Variants in SYTL3 observed in about 807,000 individuals in gnomAD.
SYTL3 encodes synaptotagmin like 3.
SYTL3 carries 88 observed loss-of-function variants against 82.1 expected under a neutral mutation model. That is an observed-to-expected ratio of 1.07 (90% CI 0.90 to 1.28). SYTL3 has a LOEUF of 1.28. Among genes scored for constraint, SYTL3 ranks in the 50% most tolerant of loss-of-function variants. The pLI is 0.00. For missense variants in SYTL3, 831 were observed against 757.6 expected (o/e 1.10, Z -1.14); for synonymous variants, 311 against 289.4 (o/e 1.07, Z -0.76).
chr6:158,745,786 T>G lies in SYTL3; in HGVS notation c.1034+128T>G. 2 of 776,096 alleles carry G rather than the reference T, an allele frequency of 2.6e-6. 1 individual carries two copies. Among genetic ancestry groups the G allele is most frequent in the South Asian group, 4.0e-5 (2 of 50,364 alleles). The allele number at this position is 776,096 out of a possible 1,614,324, so 48.1% of individuals were successfully genotyped here. On this transcript the variant is annotated intron_variant, in intron 12 of 17. Coordinates refer to ENST00000611299, the MANE Select transcript of SYTL3 (RefSeq NM_001242394.2). ...ACAAAATGAAAAGGCTTACTTCAAG[T>G]ATTATTATAAAGCTGTAGCAATGCA...
At chr6:158,665,797 T>C (rs931061479) in intron 5 of SYTL3, among the ~76,000 whole-genome samples, 184 bp downstream of exon 5, 1 of 152,192 alleles carries the variant, frequency 6.6e-6, no homozygotes, top group African/African-American at 2.4e-5. Flanking sequence ...AAATTTTATG[T>C]AGCAACATTT....
At chr6:158,732,665 A>G (rs1328802284) in intron 11 of SYTL3, among the ~76,000 whole-genome samples, 3 of 152,230 alleles carry the variant, frequency 2.0e-5, no homozygotes, top group African/African-American at 7.2e-5. Flanking sequence ...TCGTGTCTCC[A>G]ATGACGAAGG....
Position 158,713,700 on chromosome 6 carries a change from C to A in SYTL3, c.517-100C>A, listed in dbSNP as rs570545231. 1.2e-4 allele frequency: 101 copies of A among 836,460 alleles called. 1 individual carries two copies. The South Asian group carries it at 1.4e-3, about 11-fold the overall frequency. 51.8% of individuals were successfully genotyped at this position (836,460 alleles called of 1,614,324 possible). A position where few individuals can be genotyped will look rare whatever the true frequency, so the allele number is the denominator to read the frequency against. ...CCACGCCCACACTCACTCGCACACA[C>A]CCACATGCCAGTGTTTTGGGGTTGG... On this transcript the variant is annotated intron_variant, in intron 8 of 17. Transcript: ENST00000611299.
chr6:158,722,623 T>G (rs1450405719), intron 10 of SYTL3, among the ~76,000 whole-genome samples: 2 of 152,098 alleles, frequency 1.3e-5, no homozygotes, highest in Non-Finnish European at 2.9e-5. Context: ...ATGTTATGAA[T>G]GTACAGTATT....
At chr6:158,759,113 C>G (rs891767846) in intron 14 of SYTL3, among the ~76,000 whole-genome samples, 1 of 152,212 alleles carries the variant, frequency 6.6e-6, no homozygotes, top group African/African-American at 2.4e-5. Context: ...GAAGACAAGG[C>G]CTGGAACAAG....
intron 5 of SYTL3, among the ~76,000 whole-genome samples, chr6:158,679,137 A>T (rs145020945): frequency 1.2e-3 from 178 of 152,314 alleles, no homozygotes; most frequent in Admixed American, 2.3e-3. Flanking sequence ...TGGGAGGCCA[A>T]GGCAGGCAGA....
rs765386344 is a variant in SYTL3 at position 158,749,507 on chromosome 6, C to CTT, written c.1035-2397_1035-2396dup. Among the ~76,000 whole-genome samples, 144 of 66,040 alleles carry CTT rather than the reference C, an allele frequency of 2.2e-3. 4 individuals are homozygous for CTT. Among genetic ancestry groups the CTT allele is most frequent in the Middle Eastern group, 0.011 (1 of 90 alleles). 43.3% of individuals were successfully genotyped at this position (66,040 alleles called of 152,430 possible). A position where few individuals can be genotyped will look rare whatever the true frequency, so the allele number is the denominator to read the frequency against. On this transcript the variant is annotated intron_variant, in intron 12 of 17. Transcript: ENST00000611299. ...AATGAACACCTTCTTTTCTTTCTCT[C>CTT]TTTTTTTTTTTTTTTTTTTTTTTTT... is the stretch of plus-strand genomic sequence containing the variant.
chr6:158,706,248 G>T (rs1159298629), intron 6 of SYTL3, among the ~76,000 whole-genome samples: 1 of 152,076 alleles, frequency 6.6e-6, no homozygotes, highest in Admixed American at 6.5e-5. Flanking sequence ...TCCTGCACTC[G>T]CTATGGCCAG....
At chr6:158,761,476 GT>G (rs940039347) in intron 15 of SYTL3, among the ~76,000 whole-genome samples, 3 of 150,850 alleles carry the variant, frequency 2.0e-5, no homozygotes, top group Admixed American at 6.6e-5. Context: ...CTAATTTTTT[GT>G]TTTTTTTCTT....
intron 6 of SYTL3, among the ~76,000 whole-genome samples, chr6:158,699,312 A>G (rs1164940621): frequency 6.6e-6 from 1 of 152,202 alleles, no homozygotes. Flanking sequence ...TGCTGCAGGA[A>G]TTGCAGTCCA....
chr6:158,673,074 G>A (rs1777586125), intron 5 of SYTL3, among the ~76,000 whole-genome samples: 1 of 152,082 alleles, frequency 6.6e-6, no homozygotes, highest in Non-Finnish European at 1.5e-5. Flanking sequence ...GGGACTCCAA[G>A]TACGCACCAC....
rs140279225 is a variant in SYTL3, at chr6:158,764,550, G to A, written c.1779G>A (p.Gln593=). The change falls in exon 18 of 18, where the codon CAG becomes CAA. Residue 593 remains glutamine (Q), a synonymous_variant. Coordinates refer to ENST00000611299, the MANE Select transcript of SYTL3 (RefSeq NM_001242394.2). ...GCTCACTATCGAAGCTCCAGTGGCA[G>A]AAAGTCCTTTCCAGCCCCAATCTAT... ...DACSLSKLQW[Q]KVLSSPNLWT... The A allele has an allele frequency of 6.2e-7, 1 of 1,614,144 alleles. No individual in the cohort carries two copies. Among genetic ancestry groups the A allele is most frequent in the South Asian group, 1.1e-5 (1 of 91,078 alleles).
intron 17 of SYTL3, 53 bp from the exon 18 acceptor site, chr6:158,764,442 G>A (rs1790497877): frequency 7.5e-7 from 1 of 1,327,502 alleles, no homozygotes; most frequent in Non-Finnish European, 1.1e-6. Flanking sequence ...GGATGAGAGG[G>A]GATGAAGTGG....
At chr6:158,670,930 A>G (rs1472192984) in intron 5 of SYTL3, among the ~76,000 whole-genome samples, 2 of 151,578 alleles carry the variant, frequency 1.3e-5, no homozygotes, top group Non-Finnish European at 1.5e-5. Context: ...AGCCTCCCAA[A>G]TAGCTGGGAC....
rs905742446 is a variant in SYTL3 at position 158,665,621 on chromosome 6, T to TGGCC, written c.329+11_329+14dup. 53 of 1,538,250 alleles carry TGGCC rather than the reference T, an allele frequency of 3.4e-5. No individual in the cohort carries two copies. In the Admixed American group the frequency reaches 6.4e-4, roughly 19 times the overall value. On this transcript the variant is annotated intron_variant, in intron 5 of 17. Transcript: ENST00000611299. Reference sequence around the variant, plus strand: ...GGTGTGCTTCGAGGACAGGTAAGCATGGCCGGTGGTTGGATCCCTCCCACT... The same window carrying TGGCC: ...GGTGTGCTTCGAGGACAGGTAAGCATGGCCGGCCGGTGGTTGGATCCCTCCCACT...
chr6:158,682,394 C>T (rs1381296539), intron 5 of SYTL3, among the ~76,000 whole-genome samples: 6 of 124,384 alleles, frequency 4.8e-5, no homozygotes, highest in African/African-American at 2.0e-4. Context: ...GAGTCTGGCT[C>T]TGCCGCCCAG....
chr6:158,688,175 G>A (rs892644309), intron 6 of SYTL3, among the ~76,000 whole-genome samples: 9 of 152,178 alleles, frequency 5.9e-5, no homozygotes, highest in Admixed American at 3.9e-4. Flanking sequence ...ACCTGTTCCC[G>A]AGTGTCTGTG....
intron 6 of SYTL3, among the ~76,000 whole-genome samples, chr6:158,683,562 C>G (rs1021193711): frequency 3.9e-5 from 6 of 152,196 alleles, no homozygotes; most frequent in African/African-American, 1.2e-4. Flanking sequence ...CAAGGTTTCC[C>G]TGGCTTCCTG....
At position 158,757,278 on chromosome 6, in the gene SYTL3, TG is replaced by T; in HGVS notation, c.1207del (p.Ala403ProfsTer9). On this transcript the variant is annotated frameshift_variant, in exon 14 of 18. Transcript: ENST00000611299. LOFTEE classifies it high-confidence loss of function. ...GTCTCGGTGTGGCATCTGGGCACGC[TG>T]GCCCGGAGAGTGTTTCTTGGAGAAG... ...LQVSVWHLGT[L>X]ARRVFLGEVI... is the part of the protein sequence containing the mutation. 6.2e-7 allele frequency: 1 copy of T among 1,613,484 alleles called. No individual in the cohort carries two copies. Among genetic ancestry groups the T allele is most frequent in the Middle Eastern group, 1.7e-4 (1 of 6,048 alleles).
Sources: gnomAD v4.1 joint callset for allele counts (sites outside exome capture counted in the v4.1 genomes callset) on GRCh38, gnomAD v4.1.1 for gene constraint, MANE v1.5 for transcripts, NCBI Gene and HGNC (gene_info 2026-07-23, HGNC 2026-07-21) for gene names.